The following NHS variants were observed in gnomAD, a reference collection of about 807,000 sequenced individuals.
NHS encodes actin remodeling regulator NHS.
Under a neutral mutation model 72.5 loss-of-function variants are expected in NHS, and 5 were observed. The observed-to-expected ratio is 0.07, with a 90% CI of 0.04 to 0.14. The LOEUF (loss-of-function observed/expected upper bound fraction) is 0.14. Among genes scored for constraint, NHS ranks in the 10% least tolerant of loss-of-function variants. The probability of loss-of-function intolerance (pLI) is 1.00; values close to 1 mark genes in which losing one functional copy is unlikely to be tolerated. For missense variants in NHS, 1,072 were observed against 1,355.7 expected (o/e 0.79, Z 3.29); for synonymous variants, 464 against 547.7 (o/e 0.85, Z 2.13).
intron 3 of NHS, among the ~76,000 whole-genome samples, chrX:17,708,068 T>C (rs1361156605): frequency 8.9e-6 from 1 of 112,203 alleles, no homozygotes; most frequent in Non-Finnish European, 1.9e-5. Context: ...TCTAAAATAG[T>C]TCTGTCCATC....
At chrX:17,425,836 G>A (rs1379066988) in intron 1 of NHS, 1 of 112,558 alleles carries the variant, frequency 8.9e-6, no homozygotes, top group African/African-American at 3.3e-5. Context: ...AATTAGGTAG[G>A]ATACTACCCA....
At chrX:17,720,169 G>A (rs1387193648) in intron 4 of NHS, among the ~76,000 whole-genome samples, 2 of 111,412 alleles carry the variant, frequency 1.8e-5, no homozygotes, top group African/African-American at 6.5e-5. Context: ...TTTCCCAAGG[G>A]GGGAGTCATA....
At chrX:17,385,425 G>A (rs1225392731) in intron 1 of NHS, among the ~76,000 whole-genome samples, 2 of 111,529 alleles carry the variant, frequency 1.8e-5, no homozygotes, top group Admixed American at 9.5e-5. Flanking sequence ...GAGATGGGAG[G>A]GTCGCTTAAA....
intron 1 of NHS, among the ~76,000 whole-genome samples, chrX:17,651,149 A>T (rs945289420): frequency 8.9e-6 from 1 of 112,138 alleles, no homozygotes; most frequent in Non-Finnish European, 1.9e-5. Flanking sequence ...CTTGCTGGAG[A>T]ATTGGTAACT....
intron 1 of NHS, among the ~76,000 whole-genome samples, chrX:17,470,869 T>C (rs751527211): frequency 8.9e-6 from 1 of 111,965 alleles, no homozygotes; most frequent in East Asian, 2.8e-4. Context: ...GCTTCCTGAC[T>C]TGTGATATAT....
intron 3 of NHS, among the ~76,000 whole-genome samples, chrX:17,699,871 GAAAAGAA>G (rs2066251983): frequency 2.7e-5 from 3 of 111,358 alleles, no homozygotes; most frequent in African/African-American, 9.8e-5. Flanking sequence ...ACAGAGGAAA[GAAAAGAA>G]AAAAGAAAAG....
chrX:17,443,563 C>G (rs1312030044), intron 1 of NHS, among the ~76,000 whole-genome samples: 3 of 111,611 alleles, frequency 2.7e-5, no homozygotes, highest in African/African-American at 9.8e-5. Context: ...ACTGAGTGAG[C>G]CCAGCAGTGG....
At chrX:17,489,654 AT>A (rs1248964511) in intron 1 of NHS, among the ~76,000 whole-genome samples, 2 of 111,230 alleles carry the variant, frequency 1.8e-5, no homozygotes, top group Non-Finnish European at 3.8e-5. Flanking sequence ...CGCCCAGCTA[AT>A]TTTTTGTATT....
intron 1 of NHS, among the ~76,000 whole-genome samples, chrX:17,415,698 C>G (rs960202424): frequency 8.9e-6 from 1 of 112,019 alleles, no homozygotes; most frequent in East Asian, 2.8e-4. Flanking sequence ...TGCAAGAATT[C>G]TGTAATGAGG....
rs7472926 is a variant in NHS, at chrX:17,489,639, C to T, written c.565+113317C>T. ...AGCAGCTGGGACTACAGGCACACAC[C>T]GCCACGCCCAGCTAATTTTTTGTAT... On this transcript the variant is annotated intron_variant, in intron 1 of 8. Coordinates refer to ENST00000676302, the MANE Select transcript of NHS (RefSeq NM_001291867.2). 2.9e-3 allele frequency among the ~76,000 whole-genome samples: 323 copies of T among 111,710 alleles called. 2 individuals are homozygous for T. The highest frequency in any genetic ancestry group is 9.9e-3 in the South Asian group (26 of 2,636).
intron 1 of NHS, among the ~76,000 whole-genome samples, chrX:17,434,441 A>ATTTT (rs1166011488): frequency 3.3e-5 from 3 of 91,900 alleles, no homozygotes; most frequent in African/African-American, 8.7e-5. Flanking sequence ...CATTCAAACA[A>ATTTT]TTTTTTTTTT....
intron 1 of NHS, among the ~76,000 whole-genome samples, chrX:17,647,716 T>C (rs1307267519): frequency 8.9e-6 from 1 of 112,512 alleles, no homozygotes; most frequent in African/African-American, 3.2e-5. Context: ...TAGCAGTCTT[T>C]AAACACATCA....
At chrX:17,419,150 A>G (rs1246369799) in intron 1 of NHS, among the ~76,000 whole-genome samples, 4 of 112,494 alleles carry the variant, frequency 3.6e-5, no homozygotes, top group Non-Finnish European at 1.9e-5. Context: ...CATAAACAGA[A>G]TTTTCCCTTT....
intron 1 of NHS, among the ~76,000 whole-genome samples, chrX:17,603,040 C>T (rs1187387899): frequency 9.1e-6 from 1 of 109,816 alleles, no homozygotes; most frequent in Admixed American, 9.7e-5. Flanking sequence ...GAGACAAGGT[C>T]TTGGTATGTT....
intron 1 of NHS, among the ~76,000 whole-genome samples, chrX:17,656,415 C>A (rs1171971606): frequency 8.9e-6 from 1 of 112,396 alleles, no homozygotes; most frequent in Non-Finnish European, 1.9e-5. Flanking sequence ...CAAGTGACAT[C>A]ATTTTAAACT....
chrX:17,511,837 G>A (rs1168735213), intron 1 of NHS, among the ~76,000 whole-genome samples: 1 of 100,400 alleles, frequency 1.0e-5, no homozygotes, highest in African/African-American at 3.7e-5. Context: ...CAGGAAGGAG[G>A]GATCCATGAG....
chrX:17,461,352 A>G (rs1006738487), intron 1 of NHS, among the ~76,000 whole-genome samples: 2 of 112,495 alleles, frequency 1.8e-5, no homozygotes, highest in African/African-American at 6.5e-5. Flanking sequence ...GGAATTATTT[A>G]GAGCCCACCA....
At chrX:17,428,698 G>C (rs1402563451) in intron 1 of NHS, among the ~76,000 whole-genome samples, 1 of 111,868 alleles carries the variant, frequency 8.9e-6, no homozygotes, top group Non-Finnish European at 1.9e-5. Context: ...CCTACATACT[G>C]CCAGAAAGTC....
chrX:17,393,931 T>G (rs1474587824), intron 1 of NHS, among the ~76,000 whole-genome samples: 1 of 111,587 alleles, frequency 9.0e-6, no homozygotes, highest in Non-Finnish European at 1.9e-5. Context: ...TTGAACCCCC[T>G]GGCATAGGCT....
Sources: allele counts gnomAD v4.1 joint callset (sites outside exome capture counted in the v4.1 genomes callset), GRCh38; gene constraint gnomAD v4.1.1; transcripts MANE v1.5; gene names NCBI Gene and HGNC (gene_info 2026-07-23, HGNC 2026-07-21).